RHOQ: variants seen among roughly 807,000 people sequenced by gnomAD.
The protein encoded by RHOQ is ras homolog family member Q, also known as rho-related GTP-binding protein RhoQ.
RHOQ carries 7 observed loss-of-function variants against 25.8 expected under a neutral mutation model. The ratio of observed to expected loss-of-function variants is 0.27; its 90% CI spans 0.15 to 0.51. The LOEUF is 0.51. RHOQ is among the 20% of genes least tolerant of loss of function. The pLI, the probability that RHOQ is intolerant of heterozygous loss-of-function variation, is 0.97. For missense variants in RHOQ, 165 were observed against 260.6 expected (o/e 0.63, Z 2.53); for synonymous variants, 97 against 98.6 (o/e 0.98, Z 0.10).
chr2:46,559,566 TCTTGTGC>T (rs550586634), intron 2 of RHOQ, among the ~76,000 whole-genome samples: 9 of 152,142 alleles, frequency 5.9e-5, no homozygotes, highest in Admixed American at 2.0e-4. Context: ...GGGGGGGCTG[TCTTGTGC>T]ACTGTAGGTT....
rs770095456 is a variant in RHOQ, at chr2:46,576,514, T to C, written c.367-47T>C. On this transcript the variant is annotated intron_variant, in intron 3 of 4. Coordinates refer to ENST00000238738, the MANE Select transcript of RHOQ (RefSeq NM_012249.4). The surrounding 1 kb of genome is among the most constrained non-coding windows in gnomAD (Gnocchi z 5.1). ...TGGGATTACATGCTTTGATTTTTCTTTAAAGATTTGTAATATTATGGGACA... is the reference window on the plus strand; with the variant it reads ...TGGGATTACATGCTTTGATTTTTCTCTAAAGATTTGTAATATTATGGGACA... 1 of 1,218,008 alleles carries C rather than the reference T, an allele frequency of 8.2e-7. No homozygotes were observed. Among genetic ancestry groups the C allele is most frequent in the Non-Finnish European group, 1.2e-6 (1 of 852,154 alleles). 75.5% of individuals were successfully genotyped at this position (1,218,008 alleles called of 1,614,324 possible). A position where few individuals can be genotyped will look rare whatever the true frequency, so the allele number is the denominator to read the frequency against.
At chr2:46,550,789 G>C (rs1572736883) in intron 2 of RHOQ, among the ~76,000 whole-genome samples, 1 of 152,160 alleles carries the variant, frequency 6.6e-6, no homozygotes, top group Admixed American at 6.5e-5. Context: ...TGAGAGTGCG[G>C]GCCCAGGCTA....
At chr2:46,550,720 T>C (rs752659021) in intron 2 of RHOQ, among the ~76,000 whole-genome samples, 1 of 152,222 alleles carries the variant, frequency 6.6e-6, no homozygotes, top group African/African-American at 2.4e-5. Context: ...ATTTATACCC[T>C]GCAGCATAGC....
chr2:46,575,865 G>A lies in RHOQ; in HGVS notation c.202-222G>A, dbSNP rs555361907. On this transcript the variant is annotated intron_variant, in intron 2 of 4. Coordinates refer to ENST00000238738, the MANE Select transcript of RHOQ (RefSeq NM_012249.4). ...AATGTATTTTTCCAAAGTTTTCATT[G>A]TCATTGTTAATGATATTGTCATTTT... Among the ~76,000 whole-genome samples the A allele has an allele frequency of 7.2e-5, 11 of 152,162 alleles. No individual in the cohort carries two copies. The South Asian group carries it at 1.7e-3, about 23-fold the overall frequency.
rs1259544155 is a variant in RHOQ, at chr2:46,581,783, G to C, written c.*700G>C. ...CATTTTAGTTAATGTGCATTAAACT[G>C]TAACAAGGCTTCTGGCAATTGTAGA... is the stretch of plus-strand genomic sequence containing the variant. On this transcript the variant is annotated 3_prime_UTR_variant, in exon 5 of 5. Transcript: ENST00000238738. The C allele has an allele frequency of 1.9e-5, 13 of 693,600 alleles. No individual in the cohort carries two copies. The highest frequency in any genetic ancestry group is 2.5e-5 in the Non-Finnish European group (12 of 474,198). 43.0% of individuals were successfully genotyped at this position (693,600 alleles called of 1,614,324 possible).
At chr2:46,564,495 G>A (rs898046762) in intron 2 of RHOQ, among the ~76,000 whole-genome samples, 34 of 152,140 alleles carry the variant, frequency 2.2e-4, no homozygotes, top group South Asian at 8.3e-4. Context: ...TTCGCCTGCC[G>A]GGAAGCCATC....
chr2:46,578,851 T>G (rs1309365241), intron 4 of RHOQ, among the ~76,000 whole-genome samples: 3 of 152,108 alleles, frequency 2.0e-5, no homozygotes, highest in African/African-American at 7.2e-5. Context: ...ATGATAAGTA[T>G]TTAAGGTGAT....
chr2:46,562,363 A>G (rs1000836835), intron 2 of RHOQ, among the ~76,000 whole-genome samples: 1 of 152,142 alleles, frequency 6.6e-6, no homozygotes, highest in Non-Finnish European at 1.5e-5. Flanking sequence ...AAGAGAATAG[A>G]TACTTGAAAC....
At chr2:46,550,703 G>A (rs1432744635) in intron 2 of RHOQ, among the ~76,000 whole-genome samples, 1 of 152,230 alleles carries the variant, frequency 6.6e-6, no homozygotes, top group Non-Finnish European at 1.5e-5. Context: ...TGTGAAGTGT[G>A]GAGATAATTT....
chr2:46,570,630 A>G (rs1668882804), intron 2 of RHOQ, among the ~76,000 whole-genome samples: 1 of 152,178 alleles, frequency 6.6e-6, no homozygotes, highest in South Asian at 2.1e-4. Flanking sequence ...CAAGAGCTCG[A>G]TGCCTGTTTT....
chr2:46,554,443 G>A (rs1306510055), intron 2 of RHOQ, among the ~76,000 whole-genome samples: 2 of 152,162 alleles, frequency 1.3e-5, no homozygotes, highest in African/African-American at 4.8e-5. Flanking sequence ...TTTCTCTCCC[G>A]CATATTAAGG....
At chr2:46,554,789 C>CT (rs11438549) in intron 2 of RHOQ, among the ~76,000 whole-genome samples, 19,070 of 138,506 alleles carry the variant, frequency 0.14, 1,808 homozygotes, top group African/African-American at 0.27. Context: ...TTCTTTCTTT[C>CT]TTTTTTTTTT....
chr2:46,583,850 G>C lies in RHOQ; in HGVS notation c.*2767G>C, dbSNP rs568171311. Among the ~76,000 whole-genome samples, 4 of 152,280 alleles carry C rather than the reference G, an allele frequency of 2.6e-5. No homozygotes were observed. The South Asian group carries it at 8.3e-4, about 32-fold the overall frequency. On this transcript the variant is annotated 3_prime_UTR_variant, in exon 5 of 5. Coordinates refer to ENST00000238738, the MANE Select transcript of RHOQ (RefSeq NM_012249.4). ...CACTGCCTCAAATAAGGCCATGTAT[G>C]AATGAACTTACAAGATATTTGAGTT...
At chr2:46,554,293 C>T (rs1411616186) in intron 2 of RHOQ, among the ~76,000 whole-genome samples, 2 of 151,968 alleles carry the variant, frequency 1.3e-5, no homozygotes, top group African/African-American at 2.4e-5. Flanking sequence ...GGAGAAGGGC[C>T]GCAGTGCTAT....
rs187768616 is a variant in RHOQ at position 46,565,322 on chromosome 2, C to G, written c.202-10765C>G. On this transcript the variant is annotated intron_variant, in intron 2 of 4. Transcript: ENST00000238738. ...GGGTCCTGCACTGAATCAGAGTTTT[C>G]GAAAGAAGGAGGAAGTAGGAGAAGA... is the stretch of plus-strand genomic sequence containing the variant. Among the ~76,000 whole-genome samples, 6 of 152,110 alleles carry G rather than the reference C, an allele frequency of 3.9e-5. No homozygotes were observed. In the East Asian group the frequency reaches 1.2e-3, roughly 29 times the overall value.
At chr2:46,562,054 A>G (rs1463646334) in intron 2 of RHOQ, among the ~76,000 whole-genome samples, 3 of 152,120 alleles carry the variant, frequency 2.0e-5, no homozygotes, top group African/African-American at 7.2e-5. Flanking sequence ...GCAGCACATA[A>G]CACAGGCCCA....
chr2:46,552,737 G>A lies in RHOQ; in HGVS notation c.201+8925G>A, dbSNP rs956121338. On this transcript the variant is annotated intron_variant, in intron 2 of 4. Transcript: ENST00000238738. The surrounding 1 kb of genome is among the most constrained non-coding windows in gnomAD (Gnocchi z 5.0). ...TACATTTCCTGAGCACCAGATCTGG[G>A]CCAGGGGCAGGTGTTAGAAGATCTG... 6.6e-6 allele frequency among the ~76,000 whole-genome samples: 1 copy of A among 152,226 alleles called. No homozygotes were observed.
Position 46,543,210 on chromosome 2 carries a change from T to C in RHOQ, c.142+22T>C, listed in dbSNP as rs200081145. ...GCAGGTAAGCCTCGGAACTGCTGAC[T>C]AAGGGGCCGCTCCCCGGGCCGGGAA... On this transcript the variant is annotated intron_variant, in intron 1 of 4. Coordinates refer to ENST00000238738, the MANE Select transcript of RHOQ (RefSeq NM_012249.4). 70 of 1,610,222 alleles carry C rather than the reference T, an allele frequency of 4.3e-5. No homozygotes were observed. In the East Asian group the frequency reaches 1.5e-3, roughly 35 times the overall value.
At chr2:46,580,750 AG>A in intron 4 of RHOQ, 177 bp from the exon 5 acceptor site, 1 of 436,860 alleles carries the variant, frequency 2.3e-6, no homozygotes, top group Non-Finnish European at 4.1e-6. Flanking sequence ...TTTCATAGAA[AG>A]TCTGGAAGGA....
Sources: gnomAD v4.1 joint callset for allele counts (sites outside exome capture counted in the v4.1 genomes callset) on GRCh38, gnomAD v4.1.1 for gene constraint, Gnocchi (gnomAD v3.1) non-coding constraint, MANE v1.5 for transcripts, NCBI Gene and HGNC (gene_info 2026-07-23, HGNC 2026-07-21) for gene names.